The following RBFOX1 variants were observed in gnomAD, a reference collection of about 807,000 sequenced individuals.
RBFOX1 encodes the protein RNA binding protein fox-1 homolog 1.
RBFOX1 carries 8 observed loss-of-function variants against 57.7 expected under a neutral mutation model. That is an observed-to-expected ratio of 0.14 (90% CI 0.08 to 0.25). RBFOX1 has a LOEUF of 0.25. Among genes scored for constraint, RBFOX1 ranks in the 10% least tolerant of loss-of-function variants. RBFOX1 has a pLI of 1.00. For missense variants in RBFOX1, 611 were observed against 548.5 expected (o/e 1.11, Z -1.14); for synonymous variants, 326 against 222.4 (o/e 1.47, Z -4.15).
intron 4 of RBFOX1, among the ~76,000 whole-genome samples, chr16:5,883,139 C>T (rs2057805241): frequency 6.6e-6 from 1 of 152,090 alleles, no homozygotes; most frequent in African/African-American, 2.4e-5. Flanking sequence ...ATATTCCCTC[C>T]ATTCTTAGAT....
At chr16:5,871,580 T>A (rs1395367610) in intron 4 of RBFOX1, among the ~76,000 whole-genome samples, 4 of 152,174 alleles carry the variant, frequency 2.6e-5, no homozygotes, top group East Asian at 3.9e-4. Context: ...GAGAACGAAG[T>A]TACCTGGGCG....
chr16:7,501,479 G>C (rs1323104943), intron 4 of RBFOX1, among the ~76,000 whole-genome samples: 1 of 152,160 alleles, frequency 6.6e-6, no homozygotes, highest in African/African-American at 2.4e-5. Flanking sequence ...GGGATATGCT[G>C]TCCTATAAGA....
At chr16:6,183,921 C>A (rs915013676) in intron 1 of RBFOX1, among the ~76,000 whole-genome samples, 1 of 152,088 alleles carries the variant, frequency 6.6e-6, no homozygotes, top group Admixed American at 6.6e-5. Flanking sequence ...TGTATTAGTC[C>A]ATTTTCACAC....
intron 5 of RBFOX1, among the ~76,000 whole-genome samples, chr16:7,552,254 CT>C (rs1404944079): frequency 6.6e-6 from 1 of 152,076 alleles, no homozygotes; most frequent in Non-Finnish European, 1.5e-5. Flanking sequence ...AGGTATGCTT[CT>C]TTATTTCCAT....
chr16:6,612,079 T>A (rs2154025715), intron 2 of RBFOX1, among the ~76,000 whole-genome samples: 1 of 152,314 alleles, frequency 6.6e-6, no homozygotes, highest in East Asian at 1.9e-4. Flanking sequence ...TATTTACGTC[T>A]AAAACAACCC....
intron 1 of RBFOX1, among the ~76,000 whole-genome samples, chr16:6,301,241 A>G (rs1223355329): frequency 6.6e-6 from 1 of 152,230 alleles, no homozygotes; most frequent in Admixed American, 6.5e-5. Flanking sequence ...ATAATTCAGT[A>G]TTTCATATAC....
chr16:5,402,753 C>A (rs532180852), intron 1 of RBFOX1, among the ~76,000 whole-genome samples: 4 of 152,124 alleles, frequency 2.6e-5, no homozygotes, highest in Non-Finnish European at 5.9e-5. Flanking sequence ...TTAATCTCAG[C>A]CCTTTAGAAT....
chr16:6,522,264 A>G (rs946301198), intron 2 of RBFOX1, among the ~76,000 whole-genome samples: 4 of 151,922 alleles, frequency 2.6e-5, no homozygotes, highest in Non-Finnish European at 5.9e-5. Context: ...CCCAGTGAAG[A>G]GATCATAAAG....
chr16:7,012,160 C>G (rs1039216432), intron 3 of RBFOX1, among the ~76,000 whole-genome samples: 8 of 152,194 alleles, frequency 5.3e-5, no homozygotes, highest in African/African-American at 1.4e-4. Flanking sequence ...ACTATGATCA[C>G]TATCATTTAT....
At chr16:6,876,666 C>G (rs12925846) in intron 3 of RBFOX1, among the ~76,000 whole-genome samples, 38,430 of 151,878 alleles carry the variant, frequency 0.25, 5,109 homozygotes, top group African/African-American at 0.32. Context: ...ACCTAGGGTT[C>G]TATTTCTTAA....
At chr16:5,779,793 G>A (rs1181326167) in intron 3 of RBFOX1, among the ~76,000 whole-genome samples, 2 of 152,146 alleles carry the variant, frequency 1.3e-5, no homozygotes, top group Non-Finnish European at 2.9e-5. Flanking sequence ...AGGAGGCCAC[G>A]ACTGTCTTGT....
At position 7,344,113 on chromosome 16, in the gene RBFOX1, T is replaced by TA. The variant is rs1267664545; in HGVS notation, c.28-174034_28-174033insA. 1.2e-4 allele frequency among the ~76,000 whole-genome samples: 17 copies of TA among 141,424 alleles called. No individual in the cohort carries two copies. The South Asian group carries it at 2.6e-3, about 21-fold the overall frequency. The allele number at this position is 141,424 out of a possible 152,430, so 92.8% of individuals were successfully genotyped here. A position where few individuals can be genotyped will look rare whatever the true frequency, so the allele number is the denominator to read the frequency against. ...AATCTCAGCTTTACTTTTTTTTTTTTTTTTTTTTTTTTTAACTCCTAAGCT... is the reference window on the plus strand; with the variant it reads ...AATCTCAGCTTTACTTTTTTTTTTTTATTTTTTTTTTTTTAACTCCTAAGCT... On this transcript the variant is annotated intron_variant, in intron 4 of 15. Transcript: ENST00000550418.
intron 4 of RBFOX1, among the ~76,000 whole-genome samples, chr16:5,943,504 G>C (rs992250414): frequency 1.3e-5 from 2 of 152,174 alleles, no homozygotes; most frequent in African/African-American, 4.8e-5. Flanking sequence ...CTGAAACTCA[G>C]GGCATCCTAT....
chr16:7,149,272 G>T (rs929478840), intron 4 of RBFOX1, among the ~76,000 whole-genome samples: 1 of 151,978 alleles, frequency 6.6e-6, no homozygotes, highest in South Asian at 2.1e-4. Flanking sequence ...CAATATGACT[G>T]TTTGCTTGTT....
At chr16:7,473,922 C>T (rs910295092) in intron 4 of RBFOX1, among the ~76,000 whole-genome samples, 2 of 152,154 alleles carry the variant, frequency 1.3e-5, no homozygotes. Context: ...CCCTCAAGCA[C>T]CTTTTGAACT....
At chr16:7,315,915 C>G (rs1474688787) in intron 4 of RBFOX1, among the ~76,000 whole-genome samples, 1 of 152,118 alleles carries the variant, frequency 6.6e-6, no homozygotes, top group East Asian at 1.9e-4. Flanking sequence ...ACTAAACAAT[C>G]TATTTTTCAA....
At position 6,494,371 on chromosome 16, in the gene RBFOX1, A is replaced by G. The variant is rs539006434; in HGVS notation, c.-63-160232A>G. Among the ~76,000 whole-genome samples the G allele has an allele frequency of 3.0e-4, 45 of 152,228 alleles. 1 individual carries two copies. In the East Asian group the frequency reaches 8.7e-3, roughly 29 times the overall value. ...TGTATAACCACAGCTATCTCTCGCG[A>G]CCACCTGCCCCTGTTCTTAACCCCT... is the stretch of plus-strand genomic sequence containing the variant. On this transcript the variant is annotated intron_variant, in intron 2 of 15. Coordinates refer to ENST00000550418, the MANE Select transcript of RBFOX1 (RefSeq NM_018723.4).
At chr16:5,466,872 T>C (rs2068969375) in intron 1 of RBFOX1, among the ~76,000 whole-genome samples, 1 of 152,218 alleles carries the variant, frequency 6.6e-6, no homozygotes, top group Non-Finnish European at 1.5e-5. Flanking sequence ...TAACACCAGT[T>C]ACTCTCCACC....
At chr16:5,495,837 C>G (rs1010743532) in intron 2 of RBFOX1, among the ~76,000 whole-genome samples, 1 of 152,208 alleles carries the variant, frequency 6.6e-6, no homozygotes, top group African/African-American at 2.4e-5. Flanking sequence ...TAAAGAAACC[C>G]ATTAAGGGCT....
Sources: allele counts gnomAD v4.1 joint callset (sites outside exome capture counted in the v4.1 genomes callset), GRCh38; gene constraint gnomAD v4.1.1; transcripts MANE v1.5; gene names NCBI Gene and HGNC (gene_info 2026-07-23, HGNC 2026-07-21).